TBC1D9: variants seen among roughly 807,000 people sequenced by gnomAD.
TBC1D9 encodes the protein TBC1 domain family member 9.
A neutral mutation model predicts 132.0 loss-of-function variants in TBC1D9; 63 were observed. The observed-to-expected ratio is 0.48, with a 90% CI of 0.39 to 0.59. The LOEUF (loss-of-function observed/expected upper bound fraction) is 0.59, where lower values mean the gene tolerates loss of function less well. Ranked by LOEUF, TBC1D9 falls within the 20% of genes least tolerant of loss-of-function variation. The pLI is 0.00. For missense variants in TBC1D9, 1,261 were observed against 1,592.7 expected, an observed-to-expected ratio of 0.79 and a Z score of 3.54; for synonymous variants, 610 against 609.9, an observed-to-expected ratio of 1.00 and a Z score of 0.00.
chr4:140,680,457 C>T (rs978619005), intron 3 of TBC1D9, among the ~76,000 whole-genome samples: 1 of 152,154 alleles, frequency 6.6e-6, no homozygotes, highest in African/African-American at 2.4e-5. Flanking sequence ...GGTTAATCTA[C>T]CATTCAATCA....
intron 1 of TBC1D9, among the ~76,000 whole-genome samples, chr4:140,754,166 G>A (rs1172545271): frequency 6.6e-6 from 1 of 152,162 alleles, no homozygotes; most frequent in African/African-American, 2.4e-5. Context: ...AGAAAAAGAA[G>A]GCTCTGAATC....
chr4:140,627,846 A>G (rs1386209839), intron 17 of TBC1D9, among the ~76,000 whole-genome samples: 1 of 152,212 alleles, frequency 6.6e-6, no homozygotes, highest in Non-Finnish European at 1.5e-5. Context: ...GAGAATTCCC[A>G]AATCTAGTTT....
At chr4:140,730,369 A>C (rs1036384655) in intron 1 of TBC1D9, among the ~76,000 whole-genome samples, 32 of 152,174 alleles carry the variant, frequency 2.1e-4, no homozygotes, top group African/African-American at 7.5e-4. Context: ...GTTGTCTAAG[A>C]CTTTCAAAGA....
intron 13 of TBC1D9, among the ~76,000 whole-genome samples, chr4:140,649,823 A>G (rs562509214): frequency 2.5e-4 from 38 of 152,300 alleles, no homozygotes; most frequent in African/African-American, 8.2e-4. Context: ...ATGTTCGTTG[A>G]ATGGGTGGCC....
chr4:140,736,912 T>C (rs1180973007), intron 1 of TBC1D9, among the ~76,000 whole-genome samples: 1 of 152,192 alleles, frequency 6.6e-6, no homozygotes, highest in Non-Finnish European at 1.5e-5. Flanking sequence ...GTGGAGTCAC[T>C]TGTCAGAACT....
At chr4:140,734,932 A>T (rs1738650471) in intron 1 of TBC1D9, among the ~76,000 whole-genome samples, 1 of 152,228 alleles carries the variant, frequency 6.6e-6, no homozygotes, top group Non-Finnish European at 1.5e-5. Context: ...AGCAGTCTCA[A>T]AGAAGTTAAG....
At chr4:140,632,207 C>A (rs1363971830) in intron 16 of TBC1D9, among the ~76,000 whole-genome samples, 5 of 151,422 alleles carry the variant, frequency 3.3e-5, no homozygotes, top group Non-Finnish European at 7.4e-5. Flanking sequence ...TTATTTCTGT[C>A]ACTTTCTACA....
chr4:140,687,303 T>A lies in TBC1D9; in HGVS notation c.242-841A>T, dbSNP rs777748135. 2.1e-4 allele frequency among the ~76,000 whole-genome samples: 29 copies of A among 138,374 alleles called. 1 individual carries two copies. Among genetic ancestry groups the A allele is most frequent in the Non-Finnish European group, 4.3e-4 (27 of 62,978 alleles). The allele number at this position is 138,374 out of a possible 152,430, so 90.8% of individuals were successfully genotyped here. On this transcript the variant is annotated intron_variant, in intron 2 of 20. Coordinates refer to ENST00000442267, the MANE Select transcript of TBC1D9 (RefSeq NM_015130.3). ...ATAATTTGTCCGTATATCATATATA[T>A]GTGTGCCATATATATATATGTGTGT...
At chr4:140,712,747 AAAT>A (rs1738269312) in intron 1 of TBC1D9, among the ~76,000 whole-genome samples, 1 of 104,974 alleles carries the variant, frequency 9.5e-6, no homozygotes, top group Non-Finnish European at 1.8e-5. Flanking sequence ...CATCTCAAAA[AAAT>A]AGATAGATAG....
At chr4:140,730,582 C>T (rs956619405) in intron 1 of TBC1D9, among the ~76,000 whole-genome samples, 1 of 152,020 alleles carries the variant, frequency 6.6e-6, no homozygotes, top group African/African-American at 2.4e-5. Context: ...CAAAAATTAG[C>T]CAGGTGTGGT....
intron 1 of TBC1D9, among the ~76,000 whole-genome samples, chr4:140,752,260 C>T (rs1560904871): frequency 6.6e-6 from 1 of 151,930 alleles, no homozygotes; most frequent in Non-Finnish European, 1.5e-5. Context: ...GAATGAATTA[C>T]AACCAACAGC....
intron 13 of TBC1D9, among the ~76,000 whole-genome samples, chr4:140,640,447 T>TGGGGGGGGGGGGGGGG (rs55770281): frequency 5.6e-5 from 6 of 108,002 alleles, no homozygotes; most frequent in East Asian, 2.8e-4. Context: ...GGTGGTGGGG[T>TGGGGGGGGGGGGGGGG]GGGGGGGGGA....
At chr4:140,631,754 G>A (rs1408680543) in intron 16 of TBC1D9, among the ~76,000 whole-genome samples, 4 of 151,864 alleles carry the variant, frequency 2.6e-5, no homozygotes, top group South Asian at 4.2e-4. Context: ...CTGCCACCAC[G>A]CCTGGCTAAT....
At chr4:140,654,452 A>T (rs1417019391) in intron 13 of TBC1D9, among the ~76,000 whole-genome samples, 1 of 131,884 alleles carries the variant, frequency 7.6e-6, no homozygotes, top group Non-Finnish European at 1.6e-5. Context: ...AAAAAGAAAA[A>T]AGGAGAAAAA....
intron 13 of TBC1D9, chr4:140,644,672 G>A: frequency 2.4e-6 from 1 of 421,558 alleles, no homozygotes; most frequent in Non-Finnish European, 4.6e-6. Context: ...GCCGCCCGCT[G>A]CTGCAGGTAC....
intron 1 of TBC1D9, among the ~76,000 whole-genome samples, chr4:140,744,879 T>TAAAAAAAAAAAAAAA (rs34469042): frequency 9.3e-6 from 1 of 107,516 alleles, no homozygotes; most frequent in Non-Finnish European, 1.8e-5. Context: ...CAAGAGTGTT[T>TAAAAAAAAAAAAAAA]AAAAAAAAAA....
chr4:140,715,737 C>T (rs981412348), intron 1 of TBC1D9: 3 of 152,146 alleles, frequency 2.0e-5, no homozygotes, highest in East Asian at 3.8e-4. Context: ...CTGGGAGTTT[C>T]GTGGAACCTC....
chr4:140,726,513 A>G (rs139432451), intron 1 of TBC1D9, among the ~76,000 whole-genome samples: 1 of 152,114 alleles, frequency 6.6e-6, no homozygotes, highest in Non-Finnish European at 1.5e-5. Flanking sequence ...CCTACCCCCA[A>G]TACTACCTTG....
intron 18 of TBC1D9, among the ~76,000 whole-genome samples, chr4:140,625,381 C>T (rs558903589): frequency 1.3e-4 from 20 of 152,168 alleles, no homozygotes; most frequent in Middle Eastern, 3.4e-3. Flanking sequence ...CTTCTTAAAA[C>T]GAGACATTAC....
Sources: allele counts gnomAD v4.1 joint callset (sites outside exome capture counted in the v4.1 genomes callset), GRCh38; gene constraint gnomAD v4.1.1; transcripts MANE v1.5; gene names NCBI Gene and HGNC (gene_info 2026-07-23, HGNC 2026-07-21).